The following UNC13C variants were observed in gnomAD, a reference collection of about 807,000 sequenced individuals.
The protein encoded by UNC13C is protein unc-13 homolog C.
UNC13C carries 174 observed loss-of-function variants against 245.4 expected under a neutral mutation model. That is an observed-to-expected ratio of 0.71 (90% CI 0.63 to 0.80). The LOEUF is 0.80. UNC13C is among the 30% of genes least tolerant of loss of function. The probability of loss-of-function intolerance (pLI) is 0.00; values close to 1 mark genes in which losing one functional copy is unlikely to be tolerated. For synonymous variants in UNC13C, 992 were observed against 895.1 expected (o/e 1.11, Z -1.93); for missense variants, 2,829 against 2,602.9 (o/e 1.09, Z -1.89).
chr15:54,496,550 T>A (rs1893955696), intron 20 of UNC13C, among the ~76,000 whole-genome samples: 1 of 152,032 alleles, frequency 6.6e-6, no homozygotes, highest in Admixed American at 6.6e-5. Context: ...CCAGCCCAAA[T>A]GCCCATCAAT....
chr15:54,280,755 CACAT>C (rs200789427), intron 10 of UNC13C, among the ~76,000 whole-genome samples: 1 of 103,810 alleles, frequency 9.6e-6, no homozygotes, highest in South Asian at 2.7e-4. Context: ...TACATATATA[CACAT>C]ACATACATAC....
At chr15:54,029,828 G>A (rs1896280302) in intron 2 of UNC13C, among the ~76,000 whole-genome samples, 1 of 152,138 alleles carries the variant, frequency 6.6e-6, no homozygotes, top group Non-Finnish European at 1.5e-5. Flanking sequence ...AGCTCCGGTG[G>A]ACCAGAGCAT....
chr15:54,023,427 T>A (rs1895981527), intron 2 of UNC13C, among the ~76,000 whole-genome samples: 1 of 152,218 alleles, frequency 6.6e-6, no homozygotes, highest in Non-Finnish European at 1.5e-5. Context: ...TACTGAGCTC[T>A]CTTAATAAAA....
rs376866615 is a variant in UNC13C at position 54,504,156 on chromosome 15, G to A, written c.5302-2961G>A. The stretch of plus-strand genomic sequence containing the variant: ...TATGGGTAATTTAATTTTAAAAATA[G>A]ATATGAAGTAATGTTATTTTTAATA... On this transcript the variant is annotated intron_variant, in intron 22 of 32. Transcript: ENST00000260323. 4.6e-5 allele frequency among the ~76,000 whole-genome samples: 7 copies of A among 152,188 alleles called. 1 individual carries two copies. In the South Asian group the frequency reaches 6.2e-4, roughly 14 times the overall value.
chr15:53,871,958 G>A, the UNC13C span, among the ~76,000 whole-genome samples: 1 of 152,194 alleles, frequency 6.6e-6, no homozygotes, highest in East Asian at 1.9e-4. Flanking sequence ...AGTTGATGGT[G>A]TTAGAATGCT....
chr15:54,567,933 C>A lies in UNC13C; in HGVS notation c.6092C>A (p.Thr2031Asn), dbSNP rs372359198. ...GCCTTGATAAAGAAATTCATAGATA[C>A]TCAAACCTCACAGAGTAAGTAACAC... is the stretch of plus-strand genomic sequence containing the variant. ...TDALIKKFID[T>N]QTSQSRSSKD... Residue 2031 changes from threonine (T) to asparagine (N), a missense_variant, in exon 30 of 33, where the codon ACT (threonine) becomes AAT (asparagine). Coordinates refer to ENST00000260323, the MANE Select transcript of UNC13C (RefSeq NM_001080534.3). 1.2e-5 allele frequency: 19 copies of A among 1,571,864 alleles called. No homozygotes were observed. The highest frequency in any genetic ancestry group is 1.6e-5 in the Non-Finnish European group (19 of 1,156,996).
chr15:54,546,841 A>G lies in UNC13C; in HGVS notation c.5816A>G (p.Gln1939Arg), dbSNP rs1293783198. 3 of 1,578,022 alleles carry G rather than the reference A, an allele frequency of 1.9e-6. No homozygotes were observed. Among genetic ancestry groups the G allele is most frequent in the Non-Finnish European group, 2.6e-6 (3 of 1,162,898 alleles). ...KQIVLPPLTD[Q>R]TGPQMIFIAA... Reference sequence around the variant, plus strand: ...ATTGTTCTTCCTCCTCTGACAGATCAAACAGTAAGTATATAAAGTTTAGTT... The same window carrying G: ...ATTGTTCTTCCTCCTCTGACAGATCGAACAGTAAGTATATAAAGTTTAGTT... Residue 1939 changes from glutamine to arginine, a missense_variant, in exon 27 of 33, where the codon CAA becomes CGA. Physicochemically the swap from Gln to Arg is conservative, Grantham distance 43 (BLOSUM62 1). Coordinates refer to ENST00000260323, the MANE Select transcript of UNC13C (RefSeq NM_001080534.3).
At chr15:54,576,991 A>T (rs930300894) in intron 30 of UNC13C, among the ~76,000 whole-genome samples, 2 of 152,190 alleles carry the variant, frequency 1.3e-5, no homozygotes, top group Non-Finnish European at 2.9e-5. Context: ...ATTTGAATGT[A>T]TGTGATTACA....
chr15:54,019,849 T>C (rs992552105), intron 2 of UNC13C, among the ~76,000 whole-genome samples: 1 of 152,178 alleles, frequency 6.6e-6, no homozygotes, highest in African/African-American at 2.4e-5. Flanking sequence ...GTAGTAGTTG[T>C]TCCTGGGATG....
intron 4 of UNC13C, among the ~76,000 whole-genome samples, chr15:54,169,992 C>CT (rs74768867): frequency 2.1e-4 from 8 of 37,864 alleles, no homozygotes; most frequent in South Asian, 1.6e-3. Context: ...TATCCTTTTT[C>CT]TTTTTTTTTT....
At position 54,250,213 on chromosome 15, in the gene UNC13C, T is replaced by C; in HGVS notation, c.3229-12T>C. The C allele has an allele frequency of 6.2e-7, 1 of 1,613,152 alleles. No homozygotes were observed. The highest frequency in any genetic ancestry group is 8.5e-7 in the Non-Finnish European group (1 of 1,179,190). On this transcript the variant is annotated splice_polypyrimidine_tract_variant and intron_variant, in intron 7 of 32. Coordinates refer to ENST00000260323, the MANE Select transcript of UNC13C (RefSeq NM_001080534.3). ...CTTGGCGGTGCATTGGTAACTTCTCTCATGTTCACAGAAAATGCACGTCTT... is the reference window on the plus strand; with the variant it reads ...CTTGGCGGTGCATTGGTAACTTCTCCCATGTTCACAGAAAATGCACGTCTT...
intron 10 of UNC13C, among the ~76,000 whole-genome samples, chr15:54,287,123 A>G (rs1051254413): frequency 6.6e-6 from 1 of 152,168 alleles, no homozygotes; most frequent in African/African-American, 2.4e-5. Context: ...TTGGTTAAAA[A>G]ATTATTCAGT....
intron 1 of UNC13C, among the ~76,000 whole-genome samples, chr15:53,983,357 T>C (rs1329259815): frequency 6.6e-6 from 1 of 150,932 alleles, no homozygotes; most frequent in Non-Finnish European, 1.5e-5. Context: ...TGCAGGGAGC[T>C]CTCGTGGCTG....
intron 2 of UNC13C, among the ~76,000 whole-genome samples, chr15:54,137,852 A>G (rs971259296): frequency 4.6e-5 from 7 of 151,612 alleles, no homozygotes; most frequent in Non-Finnish European, 7.4e-5. Context: ...TTATTTCCTT[A>G]GTTCTGCTGA....
chr15:54,450,769 C>T (rs1596397106), intron 19 of UNC13C, among the ~76,000 whole-genome samples: 1 of 152,272 alleles, frequency 6.6e-6, no homozygotes, highest in East Asian at 1.9e-4. Flanking sequence ...GTGCACTGCG[C>T]CCACTGTCCT....
At chr15:54,631,306 A>G (rs1481141089), downstream of UNC13C, 1 of 152,248 alleles carries the variant, frequency 6.6e-6, no homozygotes, top group African/African-American at 2.4e-5. Flanking sequence ...AAGATGCATC[A>G]CTGCACTCCA....
chr15:54,418,034 C>G (rs1344709673), intron 19 of UNC13C, among the ~76,000 whole-genome samples: 1 of 152,108 alleles, frequency 6.6e-6, no homozygotes, highest in Non-Finnish European at 1.5e-5. Flanking sequence ...AGCCATTCTG[C>G]TGCCTCAACG....
chr15:54,300,435 G>A, intron 13 of UNC13C, 62 bp downstream of exon 13: 11 of 1,416,534 alleles, frequency 7.8e-6, no homozygotes, highest in Non-Finnish European at 1.0e-5. Context: ...AAAGAAAGGA[G>A]CGTTCATCTC....
intron 10 of UNC13C, among the ~76,000 whole-genome samples, chr15:54,281,209 AC>A (rs1323874773): frequency 3.3e-5 from 5 of 152,266 alleles, no homozygotes; most frequent in African/African-American, 9.6e-5. Context: ...TTTTTCCAAA[AC>A]TTTTATATCC....
Sources: allele counts gnomAD v4.1 joint callset (sites outside exome capture counted in the v4.1 genomes callset), GRCh38; gene constraint gnomAD v4.1.1; transcripts MANE v1.5; gene names NCBI Gene and HGNC (gene_info 2026-07-23, HGNC 2026-07-21).